Variants in LARP1B observed in about 807,000 individuals in gnomAD.
LARP1B encodes the protein la-related protein 1B.
Under a neutral mutation model 114.2 loss-of-function variants are expected in LARP1B, and 76 were observed. The observed-to-expected ratio is 0.67, with a 90% CI of 0.55 to 0.81. LARP1B has a LOEUF of 0.81. Among genes scored for constraint, LARP1B ranks in the 30% least tolerant of loss-of-function variants. The pLI, the probability that LARP1B is intolerant of heterozygous loss-of-function variation, is 0.00. For missense variants in LARP1B, 1,014 were observed against 1,075.8 expected, an observed-to-expected ratio of 0.94 and a Z score of 0.80; for synonymous variants, 345 against 348.0, an observed-to-expected ratio of 0.99 and a Z score of 0.10.
At chr4:128,061,986 G>T in intron 1 of LARP1B, 3 of 985,192 alleles carry the variant, frequency 3.0e-6, no homozygotes, top group South Asian at 9.4e-5. Context: ...GGGCCCGGGG[G>T]CCCTTTCGGC....
In LARP1B at chr4:128,107,158, A is replaced by T. The variant is rs749743015; in HGVS notation, c.833A>T (p.Glu278Val). 3.1e-6 allele frequency: 5 copies of T among 1,614,060 alleles called. No individual in the cohort carries two copies. The South Asian group carries it at 5.5e-5, about 18-fold the overall frequency. ...TAATAGGCACTGAAGGATAGCACAGAAGTAGAAATTGTGGATGAGAAAATG... is the reference window on the plus strand; with the variant it reads ...TAATAGGCACTGAAGGATAGCACAGTAGTAGAAATTGTGGATGAGAAAATG... ...LILEALKDST[E>V]VEIVDEKMRK... Residue 278 changes from glutamate (E) to valine (V), a missense_variant, in exon 9 of 20, where the codon GAA becomes GTA. Transcript: ENST00000326639.
chr4:128,212,787 G>T (rs375777802), downstream of LARP1B, among the ~76,000 whole-genome samples: 37 of 152,052 alleles, frequency 2.4e-4, 1 homozygote, highest in East Asian at 3.9e-3. Context: ...CTCCATTTAA[G>T]ACCTCTAGGA....
At chr4:128,085,353 C>CTTTTTTT (rs35260726) in intron 5 of LARP1B, among the ~76,000 whole-genome samples, 1 of 85,846 alleles carries the variant, frequency 1.2e-5, no homozygotes, top group Admixed American at 1.8e-4. Flanking sequence ...CCTTAGCTTC[C>CTTTTTTT]TTTTTTTTTT....
At chr4:128,083,808 C>T (rs1349381134) in intron 5 of LARP1B, among the ~76,000 whole-genome samples, 1 of 151,012 alleles carries the variant, frequency 6.6e-6, no homozygotes, top group Non-Finnish European at 1.5e-5. Flanking sequence ...GGCTGACCCC[C>T]CCACCTCCCT....
Position 128,207,344 on chromosome 4 carries a change from C to T in LARP1B, c.2508C>T (p.Tyr836=). 1 of 1,550,812 alleles carries T rather than the reference C, an allele frequency of 6.4e-7. No homozygotes were observed. The highest frequency in any genetic ancestry group is 8.7e-7 in the Non-Finnish European group (1 of 1,148,828). ...TQSIDPKLQE[Y]LCSFKRLEDF... ...CTATTGACCCAAAACTTCAGGAATA[C>T]CTCTGTAGTTTTAAGAGGTTAGAAG... The change falls in exon 19 of 20, where the codon TAC becomes TAT. Residue 836 remains tyrosine (Y), a synonymous_variant. Coordinates refer to ENST00000326639, the MANE Select transcript of LARP1B (RefSeq NM_018078.4).
intron 1 of LARP1B, among the ~76,000 whole-genome samples, chr4:128,070,358 T>G (rs1392153597): frequency 1.3e-5 from 2 of 151,592 alleles, no homozygotes; most frequent in Non-Finnish European, 2.9e-5. Flanking sequence ...TCTAAACTCC[T>G]TTTAAAAATT....
chr4:128,169,529 A>C (rs1008195985), intron 12 of LARP1B, among the ~76,000 whole-genome samples: 1 of 152,024 alleles, frequency 6.6e-6, no homozygotes, highest in African/African-American at 2.4e-5. Context: ...TTTGAAATCT[A>C]ATTTTTAAGG....
At chr4:128,128,696 T>A (rs1790460304) in intron 11 of LARP1B, among the ~76,000 whole-genome samples, 1 of 152,200 alleles carries the variant, frequency 6.6e-6, no homozygotes, top group Non-Finnish European at 1.5e-5. Flanking sequence ...AGTAAGTGCC[T>A]CTTGCTTTCA....
intron 12 of LARP1B, among the ~76,000 whole-genome samples, chr4:128,164,253 G>A (rs1739744446): frequency 6.6e-6 from 1 of 151,960 alleles, no homozygotes; most frequent in South Asian, 2.1e-4. Context: ...TCTTTAAACT[G>A]TAAACTTTTA....
intron 1 of LARP1B, chr4:128,061,733 G>C: frequency 1.0e-6 from 1 of 984,990 alleles, no homozygotes; most frequent in Non-Finnish European, 1.2e-6. Context: ...CCATTCTCGG[G>C]AGGATCCGCC....
chr4:128,097,783 A>G (rs1241179909), intron 7 of LARP1B, among the ~76,000 whole-genome samples: 1 of 152,200 alleles, frequency 6.6e-6, no homozygotes, highest in Non-Finnish European at 1.5e-5. Context: ...GGTGGAAGGC[A>G]TTATGCTAAC....
chr4:128,086,013 T>C (rs978768597), intron 5 of LARP1B, among the ~76,000 whole-genome samples: 4 of 141,056 alleles, frequency 2.8e-5, no homozygotes, highest in African/African-American at 1.0e-4. Flanking sequence ...GGTATTCTTT[T>C]TTTTTTTTTT....
intron 1 of LARP1B, chr4:128,069,214 G>A: frequency 9.2e-7 from 1 of 1,085,028 alleles, no homozygotes; most frequent in East Asian, 2.4e-5. Flanking sequence ...ATAGCTTTAT[G>A]GAATGGATCA....
At chr4:128,107,057 T>C (rs990501936) in intron 8 of LARP1B, 82 bp from the exon 9 acceptor site, 9 of 1,175,694 alleles carry the variant, frequency 7.7e-6, no homozygotes, top group African/African-American at 3.1e-5. Flanking sequence ...TAATTTCAGG[T>C]TTTCAAATTT....
At chr4:128,216,596 C>T (rs1472545468), downstream of LARP1B, among the ~76,000 whole-genome samples, 4 of 150,314 alleles carry the variant, frequency 2.7e-5, no homozygotes, top group Admixed American at 6.7e-5. Flanking sequence ...TTGAAACCAA[C>T]GAGAACAAAG....
At chr4:128,136,342 C>CA (rs1314775070) in intron 11 of LARP1B, among the ~76,000 whole-genome samples, 1 of 148,278 alleles carries the variant, frequency 6.7e-6, no homozygotes, top group Non-Finnish European at 1.5e-5. Flanking sequence ...AAAAACAAAA[C>CA]AAAAAACAAA....
At position 128,170,872 on chromosome 4, in the gene LARP1B, CTT is replaced by C. The variant is rs70966085; in HGVS notation, c.1649-5984_1649-5983del. Among the ~76,000 whole-genome samples, 677 of 94,982 alleles carry C rather than the reference CTT, an allele frequency of 7.1e-3. 6 individuals are homozygous for C. The highest frequency in any genetic ancestry group is 0.044 in the East Asian group (136 of 3,116). 62.3% of individuals were successfully genotyped at this position (94,982 alleles called of 152,430 possible). A position where few individuals can be genotyped will look rare whatever the true frequency, so the allele number is the denominator to read the frequency against. On this transcript the variant is annotated intron_variant, in intron 12 of 19. Coordinates refer to ENST00000326639, the MANE Select transcript of LARP1B (RefSeq NM_018078.4). ...TTATTATTCATTTTCTTTTTCTTTT[CTT>C]TTTTTTTTTTTTTTTGGCTTCTATT...
intron 11 of LARP1B, 125 bp from the exon 12 acceptor site, chr4:128,162,069 C>T: frequency 1.3e-6 from 1 of 778,700 alleles, no homozygotes; most frequent in Admixed American, 2.9e-5. Context: ...ATTAGAACGT[C>T]TTTTTCACTC....
intron 9 of LARP1B, chr4:128,108,082 A>C: frequency 7.1e-7 from 1 of 1,409,494 alleles, no homozygotes. Flanking sequence ...AGTGGAGATA[A>C]CCACCTTTGC....
Sources: gnomAD v4.1 joint callset for allele counts (sites outside exome capture counted in the v4.1 genomes callset) on GRCh38, gnomAD v4.1.1 for gene constraint, MANE v1.5 for transcripts, NCBI Gene and HGNC (gene_info 2026-07-23, HGNC 2026-07-21) for gene names.